The following MRC1 variants were observed in gnomAD, a reference collection of about 807,000 sequenced individuals.
The protein encoded by MRC1 is macrophage mannose receptor 1.
In MRC1, 62 loss-of-function variants were observed where a neutral mutation model predicts 102.9. That is an observed-to-expected ratio of 0.60 (90% CI 0.49 to 0.74). The LOEUF (loss-of-function observed/expected upper bound fraction) is 0.74, where lower values mean the gene tolerates loss of function less well. MRC1 is among the 30% of genes least tolerant of loss of function. MRC1 has a pLI of 0.00. For missense variants in MRC1, 1,237 were observed against 862.8 expected (o/e 1.43, Z -5.43); for synonymous variants, 457 against 298.4 (o/e 1.53, Z -5.48).
chr10:17,827,413 A>AAAAACC (rs1838496949), intron 2 of MRC1, 129 bp from the exon 3 acceptor site: 2 of 394,400 alleles, frequency 5.1e-6, no homozygotes, highest in African/African-American at 2.5e-5. Context: ...AAAAAAAAGA[A>AAAAACC]ATCCCTCTGT....
intron 1 of MRC1, among the ~76,000 whole-genome samples, chr10:17,809,850 T>A (rs1471944384): frequency 2.6e-5 from 4 of 152,188 alleles, no homozygotes; most frequent in African/African-American, 4.8e-5. Flanking sequence ...TTTCCTGCTC[T>A]GTGGTTTACT....
chr10:17,888,591 TG>T (rs1345952513), intron 22 of MRC1, among the ~76,000 whole-genome samples: 2 of 152,236 alleles, frequency 1.3e-5, no homozygotes, highest in Admixed American at 1.3e-4. Context: ...CAACTGTTAC[TG>T]ATTTCTAGTT....
rs1838884376 is a variant in MRC1, at chr10:17,849,697, A to T, written c.1182A>T (p.Glu394Asp). The change falls in exon 7 of 30, where the codon GAA (glutamate) becomes GAT (aspartate). Residue 394 changes from glutamate to aspartate, a missense_variant. Coordinates refer to ENST00000569591, the MANE Select transcript of MRC1 (RefSeq NM_002438.4). The part of the protein sequence containing the change: ...QRDALTTCRK[E>D]GGDLTSIHTI... ...ATGCTCTGACCACCTGCAGGAAGGA[A>T]GGCGGTGACCTCACAAGTATCCACA... is the stretch of plus-strand genomic sequence containing the variant. 1 of 780,964 alleles carries T rather than the reference A, an allele frequency of 1.3e-6. No homozygotes were observed. The highest frequency in any genetic ancestry group is 2.4e-6 in the Non-Finnish European group (1 of 418,106). The allele number at this position is 780,964 out of a possible 1,614,324, so 48.4% of individuals were successfully genotyped here.
chr10:17,897,049 T>C (rs1833763873), intron 23 of MRC1, among the ~76,000 whole-genome samples: 1 of 152,254 alleles, frequency 6.6e-6, no homozygotes, highest in Admixed American at 6.5e-5. Context: ...TGAATGTGGC[T>C]GTGTTCCAGT....
At chr10:17,885,720 A>C (rs999501788) in intron 22 of MRC1, among the ~76,000 whole-genome samples, 1 of 152,106 alleles carries the variant, frequency 6.6e-6, no homozygotes, top group African/African-American at 2.4e-5. Context: ...AGAGTTATCA[A>C]CTTTCTTTGT....
At chr10:17,857,236 C>G (rs2130654339) in intron 9 of MRC1, among the ~76,000 whole-genome samples, 1 of 152,278 alleles carries the variant, frequency 6.6e-6, no homozygotes, top group East Asian at 1.9e-4. Context: ...ATTCTGGAAA[C>G]TTCAGTTCAG....
At chr10:17,878,477 C>T (rs938002943) in intron 18 of MRC1, among the ~76,000 whole-genome samples, 111 of 152,174 alleles carry the variant, frequency 7.3e-4, no homozygotes, top group African/African-American at 2.5e-3. Flanking sequence ...CCAGAAAAAG[C>T]TGTAGGGACA....
rs537058208 is a variant in MRC1 at position 17,886,283 on chromosome 10, T to TCTTCCTTC, written c.3147+874_3147+881dup. 7.9e-3 allele frequency among the ~76,000 whole-genome samples: 1,150 copies of TCTTCCTTC among 144,884 alleles called. 14 individuals are homozygous for TCTTCCTTC. Among genetic ancestry groups the TCTTCCTTC allele is most frequent in the African/African-American group, 0.018 (702 of 38,054 alleles). ...AAAAAAGAATCAACTATGGGTGTTT[T>TCTTCCTTC]CTTCCTTCCTTCCTTCCTTCCTTCC... On this transcript the variant is annotated intron_variant, in intron 22 of 29. Transcript: ENST00000569591.
At chr10:17,813,412 T>C (rs1248537707) in intron 1 of MRC1, among the ~76,000 whole-genome samples, 1 of 152,164 alleles carries the variant, frequency 6.6e-6, no homozygotes, top group African/African-American at 2.4e-5. Context: ...ATTATCACAG[T>C]AGTGGTTTTT....
intron 1 of MRC1, among the ~76,000 whole-genome samples, chr10:17,815,077 A>T (rs1838289992): frequency 6.6e-6 from 1 of 152,138 alleles, no homozygotes; most frequent in Non-Finnish European, 1.5e-5. Flanking sequence ...AATAATAATA[A>T]TGAATATATA....
chr10:17,826,399 C>T (rs949445211), intron 2 of MRC1, among the ~76,000 whole-genome samples: 3 of 152,144 alleles, frequency 2.0e-5, no homozygotes, highest in Non-Finnish European at 4.4e-5. Context: ...GACAGGGTTT[C>T]ACCATTTTGG....
At chr10:17,850,685 C>T (rs1384000716) in intron 7 of MRC1, among the ~76,000 whole-genome samples, 1 of 151,994 alleles carries the variant, frequency 6.6e-6, no homozygotes, top group Non-Finnish European at 1.5e-5. Context: ...TCTTCATTTC[C>T]CCCCAGCAAA....
At chr10:17,819,967 A>G (rs964522550) in intron 1 of MRC1, among the ~76,000 whole-genome samples, 25 of 152,234 alleles carry the variant, frequency 1.6e-4, no homozygotes, top group Non-Finnish European at 3.4e-4. Context: ...ACAAACAAAA[A>G]CAGAAATAAA....
chr10:17,812,011 G>A (rs1838231160), intron 1 of MRC1, among the ~76,000 whole-genome samples: 1 of 152,082 alleles, frequency 6.6e-6, no homozygotes, highest in African/African-American at 2.4e-5. Context: ...CTCTCCCCTG[G>A]CTTCCTGCCC....
intron 22 of MRC1, among the ~76,000 whole-genome samples, chr10:17,886,309 T>TTCCTTCCC (rs1488161510): frequency 4.7e-5 from 7 of 150,454 alleles, no homozygotes; most frequent in Non-Finnish European, 1.5e-5. Flanking sequence ...CCTTCCTTCC[T>TTCCTTCCC]TCCTTCCCTC....
At position 17,866,648 on chromosome 10, in the gene MRC1, GT is replaced by G; in HGVS notation, c.1871del (p.Val624GlyfsTer9). 1.3e-6 allele frequency: 1 copy of G among 780,834 alleles called. No individual in the cohort carries two copies. Among genetic ancestry groups the G allele is most frequent in the Non-Finnish European group, 2.4e-6 (1 of 417,952 alleles). 48.4% of individuals were successfully genotyped at this position (780,834 alleles called of 1,614,324 possible). On this transcript the variant is annotated frameshift_variant, in exon 12 of 30. Transcript: ENST00000569591. LOFTEE classifies it high-confidence loss of function. ...VLKCDEKAKF[V>X]CKHWAEGVTH... ...GAAATGTGATGAAAAGGCAAAATTT[GT>G]GTGCAAGCACTGGGCAGAAGGAGTA...
intron 26 of MRC1, among the ~76,000 whole-genome samples, chr10:17,903,849 G>C (rs1335005559): frequency 5.9e-5 from 9 of 152,034 alleles, no homozygotes; most frequent in Admixed American, 4.6e-4. Context: ...CCAGCTACTT[G>C]GGAAGCTGAA....
At chr10:17,898,500 A>G (rs1453278544) in intron 24 of MRC1, among the ~76,000 whole-genome samples, 1 of 152,108 alleles carries the variant, frequency 6.6e-6, no homozygotes, top group Non-Finnish European at 1.5e-5. Flanking sequence ...ATGAATGTTA[A>G]CTCTCCTATT....
intron 28 of MRC1, 34 bp from the exon 29 acceptor site, chr10:17,909,272 G>A (rs1833937226): frequency 1.2e-6 from 1 of 832,186 alleles, no homozygotes; most frequent in Non-Finnish European, 2.1e-6. Flanking sequence ...CAATTATTCT[G>A]GGTTTTTATA....
Sources: gnomAD v4.1 joint callset for allele counts (sites outside exome capture counted in the v4.1 genomes callset) on GRCh38, gnomAD v4.1.1 for gene constraint, MANE v1.5 for transcripts, NCBI Gene and HGNC (gene_info 2026-07-23, HGNC 2026-07-21) for gene names.